The following ST8SIA6 variants were observed in gnomAD, a reference collection of about 807,000 sequenced individuals.
The protein encoded by ST8SIA6 is ST8 alpha-N-acetyl-neuraminide alpha-2,8-sialyltransferase 6, also known as alpha-2,8-sialyltransferase 8F.
Under a neutral mutation model 33.6 loss-of-function variants are expected in ST8SIA6, and 39 were observed. That is an observed-to-expected ratio of 1.16 (90% confidence interval 0.90 to 1.52). The LOEUF (loss-of-function observed/expected upper bound fraction) is 1.52, where lower values mean the gene tolerates loss of function less well. Among genes scored for constraint, ST8SIA6 ranks in the 40% most tolerant of loss-of-function variants. The pLI is 0.00. For missense variants in ST8SIA6, 441 were observed against 443.8 expected, an observed-to-expected ratio of 0.99 and a Z score of 0.06; for synonymous variants, 172 against 167.2, an observed-to-expected ratio of 1.03 and a Z score of -0.22.
chr10:17,449,886 G>C (rs1284451993), intron 2 of ST8SIA6, among the ~76,000 whole-genome samples: 3 of 152,074 alleles, frequency 2.0e-5, no homozygotes, highest in Non-Finnish European at 4.4e-5. Context: ...TAATAACAAG[G>C]ACAAAAAAGC....
intron 4 of ST8SIA6, among the ~76,000 whole-genome samples, chr10:17,347,534 C>T (rs903044154): frequency 6.6e-6 from 1 of 151,798 alleles, no homozygotes; most frequent in Non-Finnish European, 1.5e-5. Flanking sequence ...GTTGCAGAAT[C>T]GGAGTGAGAT....
chr10:17,397,524 C>T (rs374575524), intron 2 of ST8SIA6, among the ~76,000 whole-genome samples: 15 of 152,026 alleles, frequency 9.9e-5, no homozygotes, highest in African/African-American at 2.7e-4. Flanking sequence ...CGTGAGCCAC[C>T]GCGCCTGGCC....
At chr10:17,404,077 A>G (rs1389407606) in intron 2 of ST8SIA6, among the ~76,000 whole-genome samples, 1 of 151,450 alleles carries the variant, frequency 6.6e-6, no homozygotes, top group Non-Finnish European at 1.5e-5. Flanking sequence ...AAAAAAAAAA[A>G]AAAAAAAAAG....
intron 2 of ST8SIA6, among the ~76,000 whole-genome samples, chr10:17,419,409 GTGGTCCCAGCTACT>G (rs1316200792): frequency 1.3e-5 from 2 of 152,124 alleles, no homozygotes; most frequent in Non-Finnish European, 2.9e-5. Flanking sequence ...GTGTGTGCCT[GTGGTCCCAGCTACT>G]TGGAAGGCTG....
intron 2 of ST8SIA6, among the ~76,000 whole-genome samples, chr10:17,449,950 T>C (rs1189348717): frequency 6.6e-6 from 1 of 152,172 alleles, no homozygotes; most frequent in South Asian, 2.1e-4. Flanking sequence ...TGGGCAGCAC[T>C]CCATCCTGAG....
chr10:17,418,825 T>C (rs917918970), intron 2 of ST8SIA6, among the ~76,000 whole-genome samples: 1 of 151,772 alleles, frequency 6.6e-6, no homozygotes, highest in Non-Finnish European at 1.5e-5. Flanking sequence ...AAACCCCGTC[T>C]CTACTAAAAA....
intron 3 of ST8SIA6, among the ~76,000 whole-genome samples, chr10:17,375,433 T>A (rs1034524101): frequency 6.6e-6 from 1 of 152,224 alleles, no homozygotes; most frequent in Non-Finnish European, 1.5e-5. Context: ...CTCTCCAGGA[T>A]AATAGAGTGA....
In ST8SIA6 at chr10:17,359,632, T is replaced by C. The variant is rs924265662; in HGVS notation, c.291-32A>G. On this transcript the variant is annotated intron_variant, in intron 3 of 7. Coordinates refer to ENST00000377602, the MANE Select transcript of ST8SIA6 (RefSeq NM_001004470.3). The stretch of plus-strand genomic sequence containing the variant: ...ATTAAATGTCAATATAATTAGAAAA[T>C]AATGATCTCATATGTAAGTCTTCTT... 12 of 1,395,646 alleles carry C rather than the reference T, an allele frequency of 8.6e-6. No homozygotes were observed. In the East Asian group the frequency reaches 2.6e-4, roughly 30 times the overall value. 86.5% of individuals were successfully genotyped at this position (1,395,646 alleles called of 1,614,324 possible).
At chr10:17,331,029 C>T (rs1480564393) in intron 5 of ST8SIA6, among the ~76,000 whole-genome samples, 2 of 152,102 alleles carry the variant, frequency 1.3e-5, no homozygotes, top group Non-Finnish European at 2.9e-5. Flanking sequence ...GCCACATAAA[C>T]GCACCGTTCC....
At chr10:17,388,512 TGAGA>T (rs920621307) in intron 3 of ST8SIA6, among the ~76,000 whole-genome samples, 4 of 151,974 alleles carry the variant, frequency 2.6e-5, no homozygotes, top group African/African-American at 9.7e-5. Context: ...AGTGTGTGTG[TGAGA>T]GAGAGAGAAA....
intron 2 of ST8SIA6, chr10:17,409,248 A>G (rs1851368046): frequency 6.6e-6 from 1 of 152,670 alleles, no homozygotes; most frequent in African/African-American, 2.4e-5. Context: ...CTCATCTAAG[A>G]GTGAAGATTC....
At chr10:17,347,731 C>G (rs142211867) in intron 4 of ST8SIA6, among the ~76,000 whole-genome samples, 3,042 of 152,008 alleles carry the variant, frequency 0.02, 103 homozygotes, top group African/African-American at 0.068. Flanking sequence ...GTCACGAGAT[C>G]GAGACCATCC....
intron 2 of ST8SIA6, among the ~76,000 whole-genome samples, chr10:17,418,307 C>G (rs1851665964): frequency 6.6e-6 from 1 of 152,120 alleles, no homozygotes; most frequent in African/African-American, 2.4e-5. Flanking sequence ...GTGATTCTCC[C>G]AAAGTGCTGG....
intron 3 of ST8SIA6, among the ~76,000 whole-genome samples, chr10:17,385,231 C>G (rs1266603340): frequency 1.3e-5 from 2 of 152,174 alleles, no homozygotes; most frequent in African/African-American, 4.8e-5. Context: ...AAAAGCTCAT[C>G]AGAAACTCAA....
intron 4 of ST8SIA6, among the ~76,000 whole-genome samples, chr10:17,348,773 G>A (rs1848934111): frequency 6.6e-6 from 1 of 152,174 alleles, no homozygotes; most frequent in Admixed American, 6.5e-5. Flanking sequence ...TTTGGCTTCT[G>A]GCTCCCTTCC....
At chr10:17,408,967 G>T (rs1309788197) in intron 2 of ST8SIA6, among the ~76,000 whole-genome samples, 2 of 148,088 alleles carry the variant, frequency 1.4e-5, no homozygotes, top group African/African-American at 5.0e-5. Flanking sequence ...ATTTTTAGTA[G>T]AGATGGGGTT....
intron 2 of ST8SIA6, among the ~76,000 whole-genome samples, chr10:17,391,166 C>A (rs941993153): frequency 6.6e-6 from 1 of 150,524 alleles, no homozygotes. Context: ...CCTTTGAGGA[C>A]TTTATACTGG....
At chr10:17,433,907 G>A (rs1852174723) in intron 2 of ST8SIA6, among the ~76,000 whole-genome samples, 1 of 152,066 alleles carries the variant, frequency 6.6e-6, no homozygotes, top group Non-Finnish European at 1.5e-5. Context: ...CAGCCATCCC[G>A]AGGGATTTTT....
At chr10:17,396,519 G>A (rs368553212) in intron 2 of ST8SIA6, among the ~76,000 whole-genome samples, 1 of 152,246 alleles carries the variant, frequency 6.6e-6, no homozygotes, top group East Asian at 1.9e-4. Flanking sequence ...GTGCAGCTGG[G>A]TGAGCATTGG....
Sources: allele counts gnomAD v4.1 joint callset (sites outside exome capture counted in the v4.1 genomes callset), GRCh38; gene constraint gnomAD v4.1.1; transcripts MANE v1.5; gene names NCBI Gene and HGNC (gene_info 2026-07-23, HGNC 2026-07-21).